Variants in ANO4 observed in about 807,000 individuals in gnomAD.
ANO4 encodes anoctamin-4.
A neutral mutation model predicts 141.9 loss-of-function variants in ANO4; 69 were observed. That is an observed-to-expected ratio of 0.49 (90% CI 0.40 to 0.59). The LOEUF is 0.59. Ranked by LOEUF, ANO4 falls within the 20% of genes least tolerant of loss-of-function variation. The probability of loss-of-function intolerance (pLI) is 0.00; values close to 1 mark genes in which losing one functional copy is unlikely to be tolerated. For missense variants in ANO4, 894 were observed against 1,162.2 expected, an observed-to-expected ratio of 0.77 and a Z score of 3.36; for synonymous variants, 350 against 394.3, an observed-to-expected ratio of 0.89 and a Z score of 1.33.
chr12:100,865,284 T>C (rs140111674), intron 1 of ANO4, among the ~76,000 whole-genome samples: 3 of 152,206 alleles, frequency 2.0e-5, no homozygotes, highest in East Asian at 3.9e-4. Context: ...CGAAAAGCAA[T>C]GACAACAAAA....
intron 1 of ANO4, among the ~76,000 whole-genome samples, chr12:100,896,212 T>C (rs2040345566): frequency 6.6e-6 from 1 of 152,146 alleles, no homozygotes; most frequent in Non-Finnish European, 1.5e-5. Flanking sequence ...GCATATGTGG[T>C]TTACTTAGGA....
At chr12:100,870,117 T>C (rs2135923337) in intron 1 of ANO4, among the ~76,000 whole-genome samples, 1 of 152,214 alleles carries the variant, frequency 6.6e-6, no homozygotes, top group South Asian at 2.1e-4. Flanking sequence ...CCTAACCCAG[T>C]GATGATGAGG....
In ANO4 at chr12:100,876,301, G is replaced by A. The variant is rs1454625409; in HGVS notation, c.-140-25345G>A. Among the ~76,000 whole-genome samples, 9 of 128,408 alleles carry A rather than the reference G, an allele frequency of 7.0e-5. No individual in the cohort carries two copies. In the East Asian group the frequency reaches 2.1e-3, roughly 31 times the overall value. The allele number at this position is 128,408 out of a possible 152,430, so 84.2% of individuals were successfully genotyped here. A position where few individuals can be genotyped will look rare whatever the true frequency, so the allele number is the denominator to read the frequency against. On this transcript the variant is annotated intron_variant, in intron 1 of 27. Coordinates refer to ENST00000392977, the MANE Select transcript of ANO4 (RefSeq NM_001286615.2). ...ACCAAAAAAAAAAAAAAAAAACAGT[G>A]GGAATTATCAAGATGGAATTGCTAG...
At chr12:100,929,051 A>G (rs139877715) in intron 3 of ANO4, among the ~76,000 whole-genome samples, 3 of 152,214 alleles carry the variant, frequency 2.0e-5, no homozygotes, top group East Asian at 3.9e-4. Flanking sequence ...CAGGCATACA[A>G]TGTTTAGTAA....
intron 3 of ANO4, among the ~76,000 whole-genome samples, chr12:100,932,434 C>T (rs2042120588): frequency 1.3e-5 from 2 of 151,536 alleles, no homozygotes; most frequent in East Asian, 1.9e-4. Flanking sequence ...GTGAGGGCTT[C>T]CCACTCATGT....
At chr12:100,766,006 T>C (rs2033066901) in intron 3 of ANO4, among the ~76,000 whole-genome samples, 1 of 152,164 alleles carries the variant, frequency 6.6e-6, no homozygotes, top group Non-Finnish European at 1.5e-5. Context: ...TTTTGTACCC[T>C]TTGACTAATA....
At chr12:101,080,624 C>T (rs943894867) in intron 15 of ANO4, among the ~76,000 whole-genome samples, 14 of 151,804 alleles carry the variant, frequency 9.2e-5, no homozygotes, top group African/African-American at 1.9e-4. Context: ...GCCAGGAGTT[C>T]GAGACCAGCC....
Position 100,743,379 on chromosome 12 carries a change from G to C in ANO4, c.358+3274G>C, listed in dbSNP as rs754132132. The stretch of plus-strand genomic sequence containing the variant: ...AATTTGAGACAACCATAGGAGGAAA[G>C]CTTGGAAATGATCTCTATCTCAGAT... On this transcript the variant is annotated intron_variant, in intron 3 of 29. Coordinates refer to the ANO4 transcript ENST00000644049. Among the ~76,000 whole-genome samples, 16 of 151,856 alleles carry C rather than the reference G, an allele frequency of 1.1e-4. 1 individual carries two copies. Among genetic ancestry groups the C allele is most frequent in the Middle Eastern group, 6.8e-3 (2 of 294 alleles).
In ANO4 at chr12:100,919,512, A is replaced by G. The variant is rs539387180; in HGVS notation, c.56-2714A>G. On this transcript the variant is annotated intron_variant, in intron 2 of 27. Coordinates refer to ENST00000392977, the MANE Select transcript of ANO4 (RefSeq NM_001286615.2). ...TGTACAGGTTTGTAGCTTAGGAGCA[A>G]TAGGCTGCACCATGTAACCTAGGTG... Among the ~76,000 whole-genome samples, 26 of 152,270 alleles carry G rather than the reference A, an allele frequency of 1.7e-4. No individual in the cohort carries two copies. The South Asian group carries it at 4.8e-3, about 28-fold the overall frequency.
rs1156522144 is a variant in ANO4 at position 100,729,360 on chromosome 12, C to CAAAAAAAAAAAAAAAAAAAAAAAAAA, written c.23-4409_23-4384dup. Among the ~76,000 whole-genome samples, 4 of 22,568 alleles carry CAAAAAAAAAAAAAAAAAAAAAAAAAA rather than the reference C, an allele frequency of 1.8e-4. 2 individuals carry two copies. Among genetic ancestry groups the CAAAAAAAAAAAAAAAAAAAAAAAAAA allele is most frequent in the Non-Finnish European group, 3.3e-4 (4 of 11,968 alleles). The allele number at this position is 22,568 out of a possible 152,430, so 14.8% of individuals were successfully genotyped here. A position where few individuals can be genotyped will look rare whatever the true frequency, so the allele number is the denominator to read the frequency against. ...TAAAAGCAAGGGCAAAACTCTGTCT[C>CAAAAAAAAAAAAAAAAAAAAAAAAAA]AAAAAAAAAAAAAAAAAAAAAAAAA... is the stretch of plus-strand genomic sequence containing the variant. On this transcript the variant is annotated intron_variant, in intron 1 of 29. Transcript: ENST00000644049.
In ANO4 at chr12:100,862,244, A is replaced by T. The variant is rs1186459961; in HGVS notation, c.-140-39402A>T. On this transcript the variant is annotated intron_variant, in intron 1 of 27. Coordinates refer to ENST00000392977, the MANE Select transcript of ANO4 (RefSeq NM_001286615.2). ...TGCACCCAGTTAAATTTTTAAATAA[A>T]TAGAAGGAGTATACTCTAAAATAAC... is the stretch of plus-strand genomic sequence containing the variant. Among the ~76,000 whole-genome samples, 4 of 152,274 alleles carry T rather than the reference A, an allele frequency of 2.6e-5. No homozygotes were observed. In the East Asian group the frequency reaches 5.8e-4, roughly 22 times the overall value.
intron 9 of ANO4, among the ~76,000 whole-genome samples, chr12:101,030,941 T>C (rs1221359591): frequency 6.6e-6 from 1 of 152,106 alleles, no homozygotes; most frequent in African/African-American, 2.4e-5. Context: ...AGGCAGTAAT[T>C]AGTAGCCTAC....
chr12:100,940,543 T>A (rs192833634), intron 4 of ANO4, among the ~76,000 whole-genome samples: 4 of 152,364 alleles, frequency 2.6e-5, no homozygotes, highest in African/African-American at 9.6e-5. Context: ...GGTAGACTCC[T>A]GAGTGTCTCT....
At position 100,733,967 on chromosome 12, in the gene ANO4, C is replaced by A. The variant is rs541699875; in HGVS notation, c.106+110C>A. ...AGGGAAGAAAATATAAATGCATAGG[C>A]ATTTATTTTCAGAATCAGAGCAATT... On this transcript the variant is annotated intron_variant, in intron 2 of 29. Coordinates refer to the ANO4 transcript ENST00000644049. 6.8e-6 allele frequency: 4 copies of A among 587,242 alleles called. No individual in the cohort carries two copies. The South Asian group carries it at 8.3e-5, about 12-fold the overall frequency. The allele number at this position is 587,242 out of a possible 1,614,324, so 36.4% of individuals were successfully genotyped here.
intron 1 of ANO4, among the ~76,000 whole-genome samples, chr12:100,825,116 A>T (rs903057529): frequency 3.9e-5 from 6 of 152,100 alleles, no homozygotes; most frequent in African/African-American, 1.4e-4. Flanking sequence ...AATTAGTAAC[A>T]TAGGAAGCTA....
At chr12:100,843,751 A>G (rs1008085328) in intron 1 of ANO4, among the ~76,000 whole-genome samples, 1 of 152,218 alleles carries the variant, frequency 6.6e-6, no homozygotes, top group Non-Finnish European at 1.5e-5. Context: ...TTTAGAATAA[A>G]TAATTATCCC....
intron 3 of ANO4, among the ~76,000 whole-genome samples, chr12:100,930,985 T>C (rs2042068915): frequency 6.6e-6 from 1 of 152,172 alleles, no homozygotes; most frequent in Non-Finnish European, 1.5e-5. Context: ...TGCTGGCCTA[T>C]TAGAAGGGAG....
intron 9 of ANO4, among the ~76,000 whole-genome samples, chr12:101,035,473 T>C (rs911153747): frequency 1.5e-4 from 23 of 152,218 alleles, no homozygotes; most frequent in African/African-American, 4.6e-4. Flanking sequence ...TATGAGTATA[T>C]ACTTATGTCG....
intron 25 of ANO4, among the ~76,000 whole-genome samples, chr12:101,118,090 A>G (rs568406625): frequency 9.9e-5 from 15 of 152,198 alleles, no homozygotes; most frequent in Admixed American, 3.9e-4. Context: ...ATTAAGCAAC[A>G]ATTGATACTT....
Sources: allele counts gnomAD v4.1 joint callset (sites outside exome capture counted in the v4.1 genomes callset), GRCh38; gene constraint gnomAD v4.1.1; transcripts MANE v1.5; gene names NCBI Gene and HGNC (gene_info 2026-07-23, HGNC 2026-07-21).